Variants in KHDRBS2 observed in about 807,000 individuals in gnomAD.
KHDRBS2 encodes the protein KH domain-containing, RNA-binding, signal transduction-associated protein 2.
In KHDRBS2, 26 loss-of-function variants were observed where a neutral mutation model predicts 44.3. That is an observed-to-expected ratio of 0.59 (90% confidence interval 0.43 to 0.81). The LOEUF is 0.81. Ranked by LOEUF, KHDRBS2 falls within the 40% of genes least tolerant of loss-of-function variation. The probability of loss-of-function intolerance (pLI) is 0.00; values close to 1 mark genes in which losing one functional copy is unlikely to be tolerated. For synonymous variants in KHDRBS2, 194 were observed against 151.1 expected (o/e 1.28, Z -2.08); for missense variants, 476 against 433.1 (o/e 1.10, Z -0.88).
the KHDRBS2 span, among the ~76,000 whole-genome samples, chr6:61,583,875 G>T: frequency 6.7e-6 from 1 of 149,526 alleles, no homozygotes; most frequent in Non-Finnish European, 1.5e-5. Context: ...TCCTTTTTAA[G>T]TGAACTATAA....
intron 4 of KHDRBS2, among the ~76,000 whole-genome samples, chr6:61,938,818 C>T (rs1237921322): frequency 6.6e-6 from 1 of 151,996 alleles, no homozygotes; most frequent in African/African-American, 2.4e-5. Context: ...GAGAAAAAAG[C>T]AAAATTGTTG....
chr6:62,190,671 CA>C (rs1263530638), intron 1 of KHDRBS2, among the ~76,000 whole-genome samples: 4 of 152,112 alleles, frequency 2.6e-5, no homozygotes, highest in Non-Finnish European at 1.5e-5. Flanking sequence ...ATTTTTAATA[CA>C]AATAAAACTC....
intron 1 of KHDRBS2, among the ~76,000 whole-genome samples, chr6:62,182,898 G>A (rs1197018908): frequency 1.3e-5 from 2 of 151,620 alleles, no homozygotes; most frequent in Non-Finnish European, 1.5e-5. Flanking sequence ...CTGAAAATAC[G>A]AGTAATATTT....
the KHDRBS2 span, among the ~76,000 whole-genome samples, chr6:61,591,381 G>A: frequency 2.7e-4 from 41 of 152,198 alleles, no homozygotes; most frequent in African/African-American, 9.2e-4. Context: ...AAACCATTAT[G>A]AAATTTCCAA....
At chr6:62,166,024 C>G (rs1403311477) in intron 2 of KHDRBS2, among the ~76,000 whole-genome samples, 1 of 151,978 alleles carries the variant, frequency 6.6e-6, no homozygotes, top group African/African-American at 2.4e-5. Flanking sequence ...ATAAATTCAC[C>G]TGTTCTAGGA....
intron 2 of KHDRBS2, among the ~76,000 whole-genome samples, chr6:62,070,567 C>T (rs931450618): frequency 6.6e-6 from 1 of 151,958 alleles, no homozygotes; most frequent in Non-Finnish European, 1.5e-5. Context: ...TCAATTCCCA[C>T]CTATGAGTGA....
intron 3 of KHDRBS2, among the ~76,000 whole-genome samples, chr6:62,019,529 T>C (rs539538928): frequency 3.1e-4 from 47 of 152,222 alleles, no homozygotes; most frequent in African/African-American, 1.1e-3. Context: ...TGGTATTATA[T>C]CTTCCTTAAT....
intron 7 of KHDRBS2, among the ~76,000 whole-genome samples, chr6:61,730,360 T>A (rs1774247789): frequency 6.6e-6 from 1 of 152,104 alleles, no homozygotes; most frequent in African/African-American, 2.4e-5. Context: ...TTATTTTGTA[T>A]CCCCATGGTG....
At chr6:61,860,285 T>C (rs1323786405) in intron 6 of KHDRBS2, among the ~76,000 whole-genome samples, 1 of 151,924 alleles carries the variant, frequency 6.6e-6, no homozygotes, top group East Asian at 1.9e-4. Context: ...GTGTGTGTCA[T>C]GGGGGTTGGT....
At chr6:61,560,736 A>G in the KHDRBS2 span, among the ~76,000 whole-genome samples, 1 of 152,224 alleles carries the variant, frequency 6.6e-6, no homozygotes, top group East Asian at 1.9e-4. Flanking sequence ...CTCGAATTTC[A>G]TTAAGTTTTC....
intron 3 of KHDRBS2, among the ~76,000 whole-genome samples, chr6:62,038,572 C>T (rs1490178432): frequency 6.6e-6 from 1 of 152,012 alleles, no homozygotes; most frequent in Non-Finnish European, 1.5e-5. Context: ...GTCAAATAAA[C>T]ATCACTGCAA....
chr6:61,848,579 A>ATC (rs1466358259), intron 6 of KHDRBS2, among the ~76,000 whole-genome samples: 1 of 105,090 alleles, frequency 9.5e-6, no homozygotes, highest in African/African-American at 3.7e-5. Flanking sequence ...ATATATACAT[A>ATC]TATATATATA....
In KHDRBS2 at chr6:62,218,562, G is replaced by T. The variant is rs558339949; in HGVS notation, c.92-41250C>A. ...ATTTGAAACTAAAAACTTTAGCCAG[G>T]AATTGGTAACATTTAAAGAGGTATG... On this transcript the variant is annotated intron_variant, in intron 1 of 8. Coordinates refer to ENST00000281156, the MANE Select transcript of KHDRBS2 (RefSeq NM_152688.4). Among the ~76,000 whole-genome samples, 6 of 151,752 alleles carry T rather than the reference G, an allele frequency of 4.0e-5. No homozygotes were observed. In the East Asian group the frequency reaches 1.2e-3, roughly 29 times the overall value.
In KHDRBS2 at chr6:62,098,396, G is replaced by T. The variant is rs753544460; in HGVS notation, c.220-50402C>A. 7.2e-5 allele frequency among the ~76,000 whole-genome samples: 11 copies of T among 152,008 alleles called. No homozygotes were observed. The South Asian group carries it at 2.3e-3, about 32-fold the overall frequency. ...TCTCTTGCTTCTGAAGGATAACTTT[G>T]CTGGCTCCAGCATTTTCTGTTGACA... is the stretch of plus-strand genomic sequence containing the variant. On this transcript the variant is annotated intron_variant, in intron 2 of 8. Transcript: ENST00000281156.
chr6:62,077,836 C>G (rs1418526238), intron 2 of KHDRBS2, among the ~76,000 whole-genome samples: 1 of 151,956 alleles, frequency 6.6e-6, no homozygotes, highest in Non-Finnish European at 1.5e-5. Context: ...AATAAGAAAG[C>G]TATATCACAA....
rs1798197804 is a variant in KHDRBS2 at position 62,085,388 on chromosome 6, G to C, written c.220-37394C>G. Among the ~76,000 whole-genome samples the C allele has an allele frequency of 4.6e-5, 7 of 152,152 alleles. No individual in the cohort carries two copies. The South Asian group carries it at 1.5e-3, about 32-fold the overall frequency. On this transcript the variant is annotated intron_variant, in intron 2 of 8. Coordinates refer to ENST00000281156, the MANE Select transcript of KHDRBS2 (RefSeq NM_152688.4). ...GCTGAGAATCATTAAAATATGGAGGGTGGTGAAAGCAGTGGAAAATTATCA... is the reference window on the plus strand; with the variant it reads ...GCTGAGAATCATTAAAATATGGAGGCTGGTGAAAGCAGTGGAAAATTATCA...
chr6:61,739,395 G>A (rs1363113463), intron 6 of KHDRBS2, among the ~76,000 whole-genome samples: 1 of 151,820 alleles, frequency 6.6e-6, no homozygotes, highest in African/African-American at 2.4e-5. Flanking sequence ...AATGATAGGA[G>A]CAACTTTGCT....
intron 6 of KHDRBS2, among the ~76,000 whole-genome samples, chr6:61,791,812 T>C (rs1784680465): frequency 6.6e-6 from 1 of 151,476 alleles, no homozygotes; most frequent in East Asian, 1.9e-4. Context: ...GTTTTCTTTT[T>C]AAAAATTTCC....
At chr6:61,897,292 A>G (rs1356510125) in intron 5 of KHDRBS2, among the ~76,000 whole-genome samples, 1 of 152,136 alleles carries the variant, frequency 6.6e-6, no homozygotes, top group Non-Finnish European at 1.5e-5. Flanking sequence ...ACTGCCTTAA[A>G]TGAATACTCC....
Sources: allele counts gnomAD v4.1 joint callset (sites outside exome capture counted in the v4.1 genomes callset), GRCh38; gene constraint gnomAD v4.1.1; transcripts MANE v1.5; gene names NCBI Gene and HGNC (gene_info 2026-07-23, HGNC 2026-07-21).